TOGARAM1: variants seen among roughly 807,000 people sequenced by gnomAD.
TOGARAM1 encodes TOG array regulator of axonemal microtubules 1.
Under a neutral mutation model 166.6 loss-of-function variants are expected in TOGARAM1, and 100 were observed. That is an observed-to-expected ratio of 0.60 (90% CI 0.51 to 0.71). The LOEUF (loss-of-function observed/expected upper bound fraction) is 0.71, where lower values mean the gene tolerates loss of function less well. Among genes scored for constraint, TOGARAM1 ranks in the 30% least tolerant of loss-of-function variants. TOGARAM1 has a pLI of 0.00. For synonymous variants in TOGARAM1, 758 were observed against 763.8 expected, an observed-to-expected ratio of 0.99 and a Z score of 0.13; for missense variants, 2,029 against 2,102.7, an observed-to-expected ratio of 0.96 and a Z score of 0.69.
chr14:45,011,785 A>AAG, intron 6 of TOGARAM1, 190 bp from the exon 7 acceptor site: 1 of 414,036 alleles, frequency 2.4e-6, no homozygotes, highest in East Asian at 3.7e-5. Flanking sequence ...CAAAATATAT[A>AAG]TGTGTGTGTG....
At chr14:44,992,246 A>C (rs1887183896) in intron 1 of TOGARAM1, among the ~76,000 whole-genome samples, 1 of 152,132 alleles carries the variant, frequency 6.6e-6, no homozygotes, top group Non-Finnish European at 1.5e-5. Flanking sequence ...TAAAGTGTAC[A>C]TAGGAAAATA....
intron 1 of TOGARAM1, among the ~76,000 whole-genome samples, chr14:44,965,393 C>T (rs1343062661): frequency 6.6e-6 from 1 of 152,112 alleles, no homozygotes; most frequent in African/African-American, 2.4e-5. Flanking sequence ...TGGTTAATGT[C>T]CCTTGTAATT....
chr14:45,030,253 A>C (rs1038722335), intron 10 of TOGARAM1, among the ~76,000 whole-genome samples: 3 of 152,180 alleles, frequency 2.0e-5, no homozygotes, highest in African/African-American at 7.2e-5. Flanking sequence ...AGTACTTTGT[A>C]TTGTTATAAT....
chr14:45,040,929 T>C (rs1215138300), intron 11 of TOGARAM1, among the ~76,000 whole-genome samples: 2 of 151,782 alleles, frequency 1.3e-5, no homozygotes, highest in Non-Finnish European at 2.9e-5. Flanking sequence ...ATCCCAGCTA[T>C]TCAGGAGGCT....
intron 18 of TOGARAM1, among the ~76,000 whole-genome samples, chr14:45,070,924 G>T (rs1237185584): frequency 6.6e-6 from 1 of 151,918 alleles, no homozygotes; most frequent in African/African-American, 2.4e-5. Flanking sequence ...TGTTGTTGTT[G>T]TTGTTGTTGT....
intron 1 of TOGARAM1, among the ~76,000 whole-genome samples, chr14:44,978,764 C>T (rs151276572): frequency 1.6e-4 from 24 of 150,348 alleles, no homozygotes; most frequent in Middle Eastern, 3.5e-3. Flanking sequence ...AGTGTCACTG[C>T]ACACTAGCCT....
At chr14:44,966,340 G>A (rs1885538058) in intron 1 of TOGARAM1, among the ~76,000 whole-genome samples, 1 of 151,430 alleles carries the variant, frequency 6.6e-6, no homozygotes, top group African/African-American at 2.4e-5. Flanking sequence ...GGGTGTGGTG[G>A]CACACACCTG....
rs989083326 is a variant in TOGARAM1 at position 45,073,506 on chromosome 14, A to G, written c.5267A>G (p.His1756Arg). The change falls in exon 20 of 20, where the codon CAT (histidine) becomes CGT (arginine). Residue 1756 changes from histidine to arginine, a missense_variant. His to Arg is a conservative substitution (Grantham distance 29). Coordinates refer to ENST00000361462, the MANE Select transcript of TOGARAM1 (RefSeq NM_001308120.2). ...LLNQAASQPP[H>R]IKKSLEELLD... ...AATCAGGCTGCATCTCAACCACCAC[A>G]TATCAAAAAGAGTTTGGAGGAATTA... is the stretch of plus-strand genomic sequence containing the variant. 23 of 1,613,970 alleles carry G rather than the reference A, an allele frequency of 1.4e-5. No individual in the cohort carries two copies. The highest frequency in any genetic ancestry group is 1.9e-5 in the Non-Finnish European group (23 of 1,180,002).
In TOGARAM1 at chr14:44,981,491, C is replaced by T. The variant is rs141140191; in HGVS notation, c.2047-14255C>T. ...GGAGTCATCAGTGTTAAATGTGGCA[C>T]AGAGCTTGGGGAGAATGAAAATTGG... On this transcript the variant is annotated intron_variant, in intron 1 of 19. Coordinates refer to ENST00000361462, the MANE Select transcript of TOGARAM1 (RefSeq NM_001308120.2). 4.5e-4 allele frequency among the ~76,000 whole-genome samples: 69 copies of T among 152,266 alleles called. 1 individual carries two copies. In the Middle Eastern group the frequency reaches 0.014, roughly 30 times the overall value.
rs1298665441 is a variant in TOGARAM1 at position 44,962,701 on chromosome 14, G to C, written c.280G>C (p.Glu94Gln). ...TGGAGGCGGTTTGTCAGGGGGAGAT[G>C]AAGAGGACACTCGGCTCCTTCAACT... ...ESGGGLSGGD[E>Q]EDTRLLQLLR... is the part of the protein sequence containing the mutation. The change falls in exon 1 of 20, where the codon GAA becomes CAA. Residue 94 changes from glutamate to glutamine, a missense_variant. This residue lies in a region of TOGARAM1 where 1,453 missense variants were observed against 1,432.2 expected (regional missense o/e 1.01). Transcript: ENST00000361462. 6.2e-7 allele frequency: 1 copy of C among 1,614,018 alleles called. No homozygotes were observed. Among genetic ancestry groups the C allele is most frequent in the Non-Finnish European group, 8.5e-7 (1 of 1,180,050 alleles).
intron 19 of TOGARAM1, among the ~76,000 whole-genome samples, chr14:45,072,458 G>A (rs370015639): frequency 2.6e-4 from 40 of 151,302 alleles, no homozygotes; most frequent in Admixed American, 1.6e-3. Flanking sequence ...ACAGAGTCTC[G>A]CTCTGTTGCC....
At chr14:44,989,725 T>C (rs1887029290) in intron 1 of TOGARAM1, among the ~76,000 whole-genome samples, 1 of 152,178 alleles carries the variant, frequency 6.6e-6, no homozygotes. Context: ...CACTTCCACA[T>C]TTTCAAGTGT....
At position 45,068,574 on chromosome 14, in the gene TOGARAM1, C is replaced by A. The variant is rs372417164; in HGVS notation, c.4900C>A (p.Leu1634Met). Residue 1634 changes from leucine (L) to methionine (M), a missense_variant, in exon 18 of 20, where the codon CTG (leucine) becomes ATG (methionine). Physicochemically the swap from Leu to Met is conservative, Grantham distance 15. Coordinates refer to ENST00000361462, the MANE Select transcript of TOGARAM1 (RefSeq NM_001308120.2). Reference protein sequence around the residue: ...MLIPAIVDNNLNSKNPGIYAA... With the variant: ...MLIPAIVDNNMNSKNPGIYAA... The stretch of plus-strand genomic sequence containing the variant: ...AATTCCAGCAATAGTGGATAACAAT[C>A]TGAATTCCAAGAATCCAGGCATCTA... 1.2e-5 allele frequency: 19 copies of A among 1,613,266 alleles called. No homozygotes were observed. The highest frequency in any genetic ancestry group is 1.3e-5 in the Non-Finnish European group (15 of 1,179,684).
Position 45,025,872 on chromosome 14 carries a change from G to A in TOGARAM1, c.3328G>A (p.Gly1110Ser), listed in dbSNP as rs758830393. 6.5e-7 allele frequency: 1 copy of A among 1,549,618 alleles called. No homozygotes were observed. The highest frequency in any genetic ancestry group is 1.1e-5 in the South Asian group (1 of 87,278). ...AGACTCAGTAGTAGTTGTTGGAAAA[G>A]GTATTTCAAAGTTATTTCGCTTCTT... ...SEDSVVVVGK[G>S]VFGSLSSAPA... Residue 1110 changes from glycine (G) to serine (S), a missense_variant and splice_region_variant, in exon 8 of 20, where the codon GGC becomes AGC. This residue lies in a region of TOGARAM1 where 1,453 missense variants were observed against 1,432.2 expected (regional missense o/e 1.01). Transcript: ENST00000361462.
At chr14:45,063,443 T>TTTCA (rs1315568976) in intron 16 of TOGARAM1, among the ~76,000 whole-genome samples, 1 of 152,032 alleles carries the variant, frequency 6.6e-6, no homozygotes, top group African/African-American at 2.4e-5. Context: ...CTTGTGATTA[T>TTTCA]TTCAGTGGCT....
intron 14 of TOGARAM1, among the ~76,000 whole-genome samples, chr14:45,050,038 T>C (rs942444951): frequency 2.0e-5 from 3 of 152,188 alleles, no homozygotes; most frequent in Non-Finnish European, 4.4e-5. Flanking sequence ...TTGTTTGTTT[T>C]AGCCTTTCTC....
chr14:45,021,757 T>G lies in TOGARAM1; in HGVS notation c.3239-4026T>G, dbSNP rs929415794. Among the ~76,000 whole-genome samples the G allele has an allele frequency of 2.6e-5, 4 of 152,098 alleles. No homozygotes were observed. In the South Asian group the frequency reaches 8.3e-4, roughly 32 times the overall value. ...GATGGGGAATCAGAAGGAAGGGGCT[T>G]GACTAATACCATGTCACCAGGGTGG... On this transcript the variant is annotated intron_variant, in intron 7 of 19. Coordinates refer to ENST00000361462, the MANE Select transcript of TOGARAM1 (RefSeq NM_001308120.2).
chr14:45,040,515 G>C (rs2138941389), intron 11 of TOGARAM1, among the ~76,000 whole-genome samples: 1 of 151,650 alleles, frequency 6.6e-6, no homozygotes, highest in East Asian at 1.9e-4. Context: ...CAGGTTCTTG[G>C]AAGAAGATCA....
rs190964695 is a variant in TOGARAM1, at chr14:44,993,807, A to G, written c.2047-1939A>G. ...TGCACACACCACCACCCTCATCAAC[A>G]TTACCACCTCCACCAGTTGTTGTAT... On this transcript the variant is annotated intron_variant, in intron 1 of 19. Coordinates refer to ENST00000361462, the MANE Select transcript of TOGARAM1 (RefSeq NM_001308120.2). Among the ~76,000 whole-genome samples the G allele has an allele frequency of 6.2e-4, 94 of 152,270 alleles. 1 individual carries two copies. Among genetic ancestry groups the G allele is most frequent in the Non-Finnish European group, 1.2e-3 (81 of 68,012 alleles).
Sources: allele counts gnomAD v4.1 joint callset (sites outside exome capture counted in the v4.1 genomes callset), GRCh38; gene constraint gnomAD v4.1.1; regional missense constraint gnomAD v4.1.1; transcripts MANE v1.5; gene names NCBI Gene and HGNC (gene_info 2026-07-23, HGNC 2026-07-21).